RBP2: variants seen among roughly 807,000 people sequenced by gnomAD.
RBP2 encodes the protein retinol-binding protein 2.
Under a neutral mutation model 17.0 loss-of-function variants are expected in RBP2, and 17 were observed. That is an observed-to-expected ratio of 1.00 (90% CI 0.68 to 1.50). The LOEUF (loss-of-function observed/expected upper bound fraction) is 1.50. Among genes scored for constraint, RBP2 ranks in the 40% most tolerant of loss-of-function variants. The pLI, the probability that RBP2 is intolerant of heterozygous loss-of-function variation, is 0.00. For missense variants in RBP2, 158 were observed against 168.2 expected (o/e 0.94, Z 0.33); for synonymous variants, 48 against 57.1 (o/e 0.84, Z 0.72).
chr3:139,452,956 T>A lies in RBP2; in HGVS notation c.*160A>T. On this transcript the variant is annotated 3_prime_UTR_variant, in exon 4 of 4. Transcript: ENST00000232217. ...CTAGGTTTCAAAGGAGGGGAATATG[T>A]CTATCACTGCTACATAGGCATTCTG... is the stretch of plus-strand genomic sequence containing the variant. 1 of 710,164 alleles carries A rather than the reference T, an allele frequency of 1.4e-6. No homozygotes were observed. Among genetic ancestry groups the A allele is most frequent in the Non-Finnish European group, 2.4e-6 (1 of 410,580 alleles). 44.0% of individuals were successfully genotyped at this position (710,164 alleles called of 1,614,324 possible).
intron 2 of RBP2, among the ~76,000 whole-genome samples, chr3:139,459,408 G>A (rs1420382302): frequency 3.4e-5 from 5 of 147,888 alleles, no homozygotes; most frequent in East Asian, 2.0e-4. Flanking sequence ...ATATGTGTGT[G>A]TGTGTGTGTG....
At chr3:139,456,809 G>T (rs1576419690) in intron 2 of RBP2, among the ~76,000 whole-genome samples, 1 of 151,598 alleles carries the variant, frequency 6.6e-6, no homozygotes, top group Non-Finnish European at 1.5e-5. Flanking sequence ...GTTTTCTAAA[G>T]AAAAAAAAGG....
chr3:139,470,019 C>G (rs111605496), intron 1 of RBP2, among the ~76,000 whole-genome samples: 1 of 152,172 alleles, frequency 6.6e-6, no homozygotes, highest in African/African-American at 2.4e-5. Flanking sequence ...CCCCATAAAA[C>G]GGAAGGCATT....
intron 1 of RBP2, among the ~76,000 whole-genome samples, chr3:139,468,857 G>T (rs1933452668): frequency 6.6e-6 from 1 of 152,130 alleles, no homozygotes. Flanking sequence ...CAGAAGGAAA[G>T]GTCCAAAGGC....
At chr3:139,463,162 A>C (rs940615398) in intron 1 of RBP2, among the ~76,000 whole-genome samples, 1 of 151,856 alleles carries the variant, frequency 6.6e-6, no homozygotes, top group Admixed American at 6.6e-5. Context: ...TATTCTGGAA[A>C]ATAAATATTT....
rs186321082 is a variant in RBP2 at position 139,467,277 on chromosome 3, C to G, written c.74-4987G>C. Among the ~76,000 whole-genome samples the G allele has an allele frequency of 1.0e-3, 159 of 152,264 alleles. 2 individuals carry two copies. The highest frequency in any genetic ancestry group is 3.6e-3 in the African/African-American group (151 of 41,554). On this transcript the variant is annotated intron_variant, in intron 1 of 3. Coordinates refer to ENST00000232217, the MANE Select transcript of RBP2 (RefSeq NM_004164.3). Reference sequence around the variant, plus strand: ...CGTGTTAGAAATGCAGGTTCTGTGCCACGGCACTCCAGGCTGGGTGACAGA... The same window carrying G: ...CGTGTTAGAAATGCAGGTTCTGTGCGACGGCACTCCAGGCTGGGTGACAGA...
At chr3:139,458,118 C>T (rs1933041001) in intron 2 of RBP2, among the ~76,000 whole-genome samples, 1 of 151,982 alleles carries the variant, frequency 6.6e-6, no homozygotes, top group Non-Finnish European at 1.5e-5. Flanking sequence ...TGTGGTAACT[C>T]TTGGTAAAGA....
At chr3:139,476,045 G>A (rs1933727480) in intron 1 of RBP2, among the ~76,000 whole-genome samples, 1 of 152,178 alleles carries the variant, frequency 6.6e-6, no homozygotes, top group South Asian at 2.1e-4. Context: ...TCAGAGAGAT[G>A]GTGGTCACAA....
At chr3:139,454,365 C>T (rs541935570) in intron 3 of RBP2, among the ~76,000 whole-genome samples, 21 of 152,246 alleles carry the variant, frequency 1.4e-4, no homozygotes, top group African/African-American at 5.1e-4. Context: ...CTCTCCCAGG[C>T]TCCCATCATT....
chr3:139,469,510 TC>T (rs1159279197), intron 1 of RBP2, among the ~76,000 whole-genome samples: 2 of 152,142 alleles, frequency 1.3e-5, no homozygotes, highest in African/African-American at 4.8e-5. Flanking sequence ...CTAGGCTTTT[TC>T]CATCCCTCAG....
chr3:139,465,281 G>A (rs1450474553), intron 1 of RBP2, among the ~76,000 whole-genome samples: 1 of 152,080 alleles, frequency 6.6e-6, no homozygotes, highest in African/African-American at 2.4e-5. Flanking sequence ...GTAATATTTG[G>A]GGTGGCAATT....
At position 139,453,051 on chromosome 3, in the gene RBP2, A is replaced by G; in HGVS notation, c.*65T>C. On this transcript the variant is annotated 3_prime_UTR_variant, in exon 4 of 4. Coordinates refer to ENST00000232217, the MANE Select transcript of RBP2 (RefSeq NM_004164.3). The stretch of plus-strand genomic sequence containing the variant: ...GGAAGGTCCCCACAGCTGTTTCTCA[A>G]AGCCAGTAGACCACTCAGTGTGGGC... 1 of 1,593,352 alleles carries G rather than the reference A, an allele frequency of 6.3e-7. No homozygotes were observed. Among genetic ancestry groups the G allele is most frequent in the Admixed American group, 1.7e-5 (1 of 59,980 alleles).
intron 3 of RBP2, among the ~76,000 whole-genome samples, chr3:139,454,129 G>A (rs574807820): frequency 6.6e-6 from 1 of 152,306 alleles, no homozygotes; most frequent in Non-Finnish European, 1.5e-5. Context: ...TTCACCATTT[G>A]AATGCTGAAC....
At chr3:139,459,430 G>GTA (rs996605389) in intron 2 of RBP2, among the ~76,000 whole-genome samples, 1 of 145,994 alleles carries the variant, frequency 6.8e-6, no homozygotes, top group African/African-American at 2.5e-5. Context: ...GTGTGTGTGT[G>GTA]TATTCATATT....
intron 2 of RBP2, among the ~76,000 whole-genome samples, chr3:139,459,404 G>A (rs201628058): frequency 1.5e-4 from 16 of 105,616 alleles, no homozygotes; most frequent in East Asian, 2.7e-3. Context: ...ATATATATGT[G>A]TGTGTGTGTG....
intron 1 of RBP2, among the ~76,000 whole-genome samples, chr3:139,462,740 T>G (rs561815265): frequency 5.9e-5 from 9 of 152,330 alleles, no homozygotes; most frequent in Admixed American, 3.9e-4. Flanking sequence ...TAGGAAACTT[T>G]TGTTAATGTC....
intron 2 of RBP2, among the ~76,000 whole-genome samples, chr3:139,456,090 G>T (rs1932944343): frequency 6.6e-6 from 1 of 152,184 alleles, no homozygotes; most frequent in African/African-American, 2.4e-5. Context: ...TCTGAAGAAT[G>T]CTTCTGTGCC....
intron 1 of RBP2, among the ~76,000 whole-genome samples, chr3:139,465,820 G>A (rs1035352524): frequency 2.6e-5 from 4 of 152,178 alleles, no homozygotes; most frequent in East Asian, 1.9e-4. Context: ...CACTCCAGCC[G>A]GCTACATTAT....
At chr3:139,475,974 C>A (rs1933725655) in intron 1 of RBP2, among the ~76,000 whole-genome samples, 1 of 152,158 alleles carries the variant, frequency 6.6e-6, no homozygotes, top group African/African-American at 2.4e-5. Flanking sequence ...TTCCCCATTA[C>A]AAAACTGATA....
Sources: gnomAD v4.1 joint callset for allele counts (sites outside exome capture counted in the v4.1 genomes callset) on GRCh38, gnomAD v4.1.1 for gene constraint, MANE v1.5 for transcripts, NCBI Gene and HGNC (gene_info 2026-07-23, HGNC 2026-07-21) for gene names.